The following FSD1L variants were observed in gnomAD, a reference collection of about 807,000 sequenced individuals.
FSD1L encodes fibronectin type III and SPRY domain containing 1 like.
Under a neutral mutation model 71.6 loss-of-function variants are expected in FSD1L, and 45 were observed. The ratio of observed to expected loss-of-function variants is 0.63; its 90% CI spans 0.49 to 0.81. The LOEUF is 0.81. Ranked by LOEUF, FSD1L falls within the 30% of genes least tolerant of loss-of-function variation. The pLI, the probability that FSD1L is intolerant of heterozygous loss-of-function variation, is 0.00. For missense variants in FSD1L, 561 were observed against 618.1 expected (o/e 0.91, Z 0.98); for synonymous variants, 197 against 207.2 (o/e 0.95, Z 0.42).
intron 10 of FSD1L, among the ~76,000 whole-genome samples, chr9:105,519,259 AT>A (rs1834952755): frequency 1.3e-5 from 2 of 152,098 alleles, no homozygotes; most frequent in African/African-American, 2.4e-5. Flanking sequence ...TTCTGAAACT[AT>A]TCCAAACAAT....
chr9:105,518,340 G>A (rs1419891927), intron 10 of FSD1L, among the ~76,000 whole-genome samples: 3 of 152,192 alleles, frequency 2.0e-5, no homozygotes, highest in East Asian at 3.9e-4. Context: ...CTCTCCACCC[G>A]AAATCAACAG....
chr9:105,456,341 T>A (rs191711203), intron 1 of FSD1L, among the ~76,000 whole-genome samples: 1,659 of 152,332 alleles, frequency 0.011, 34 homozygotes, highest in African/African-American at 0.038. Context: ...AAAATGAGGA[T>A]AATAATAGTA....
At position 105,478,666 on chromosome 9, in the gene FSD1L, TA is replaced by T. The variant is rs377045516; in HGVS notation, c.442-678del. ...TTCCCTTTCTAAACTTGTGCTTGCA[TA>T]AAAAAAAAAGACAAAAGAGATACCT... On this transcript the variant is annotated intron_variant, in intron 5 of 13. Transcript: ENST00000481272. 5.8e-3 allele frequency among the ~76,000 whole-genome samples: 848 copies of T among 147,186 alleles called. 2 individuals carry two copies. The highest frequency in any genetic ancestry group is 9.1e-3 in the Non-Finnish European group (602 of 66,454).
intron 10 of FSD1L, chr9:105,521,063 G>A (rs555243654): frequency 6.2e-6 from 10 of 1,613,242 alleles, no homozygotes; most frequent in South Asian, 5.5e-5. Flanking sequence ...TTGACATCCC[G>A]CAGATGAGAC....
chr9:105,516,989 A>G (rs1423038366), intron 10 of FSD1L, among the ~76,000 whole-genome samples: 3 of 152,232 alleles, frequency 2.0e-5, no homozygotes, highest in Non-Finnish European at 2.9e-5. Context: ...AAATGACCCG[A>G]TGGAGCTGAA....
At chr9:105,459,387 T>C (rs78617447) in intron 1 of FSD1L, among the ~76,000 whole-genome samples, 4,918 of 152,308 alleles carry the variant, frequency 0.032, 285 homozygotes, top group African/African-American at 0.11. Context: ...CCAGTCCCCA[T>C]TCTTGTGAGG....
chr9:105,500,250 G>A (rs1589025098), intron 7 of FSD1L, among the ~76,000 whole-genome samples: 1 of 152,146 alleles, frequency 6.6e-6, no homozygotes, highest in East Asian at 1.9e-4. Context: ...ATGTAAACTG[G>A]CCTTTATTAA....
At chr9:105,483,127 A>G (rs576858103) in intron 6 of FSD1L, among the ~76,000 whole-genome samples, 2 of 152,322 alleles carry the variant, frequency 1.3e-5, no homozygotes, top group Non-Finnish European at 1.5e-5. Context: ...TATACTTGGC[A>G]TATAGTAAGC....
chr9:105,471,520 G>T (rs1831457510), intron 4 of FSD1L, among the ~76,000 whole-genome samples: 1 of 151,928 alleles, frequency 6.6e-6, no homozygotes. Flanking sequence ...CTTCCTACTT[G>T]TCCCATATTC....
intron 13 of FSD1L, among the ~76,000 whole-genome samples, chr9:105,540,549 T>C (rs993022147): frequency 2.0e-5 from 3 of 152,174 alleles, no homozygotes; most frequent in Non-Finnish European, 4.4e-5. Flanking sequence ...AGATATAGAC[T>C]GCATTTACAA....
chr9:105,469,962 T>C (rs989816807), intron 4 of FSD1L, among the ~76,000 whole-genome samples: 4 of 152,192 alleles, frequency 2.6e-5, no homozygotes, highest in African/African-American at 9.7e-5. Context: ...GGGACCTACT[T>C]TATTTTTTTG....
At chr9:105,512,724 G>A (rs1192440633) in intron 9 of FSD1L, 83 bp from the exon 10 acceptor site, 1 of 734,884 alleles carries the variant, frequency 1.4e-6, no homozygotes, top group South Asian at 2.9e-5. Flanking sequence ...GATTGAGTAG[G>A]AAAATAATGT....
rs544656526 is a variant in FSD1L, at chr9:105,497,368, C to T, written c.587-9031C>T. On this transcript the variant is annotated intron_variant, in intron 7 of 13. Coordinates refer to ENST00000481272, the MANE Select transcript of FSD1L (RefSeq NM_001145313.3). Reference sequence around the variant, plus strand: ...TGTCAGTTTTGGTATTAGGGTAATGCTGGCCTCATAGAAAGAGTTAGGAAG... The same window carrying T: ...TGTCAGTTTTGGTATTAGGGTAATGTTGGCCTCATAGAAAGAGTTAGGAAG... Among the ~76,000 whole-genome samples the T allele has an allele frequency of 7.9e-5, 12 of 152,218 alleles. No individual in the cohort carries two copies. The East Asian group carries it at 2.3e-3, about 29-fold the overall frequency.
chr9:105,485,259 G>T (rs1348415035), intron 7 of FSD1L, among the ~76,000 whole-genome samples: 5 of 152,188 alleles, frequency 3.3e-5, no homozygotes, highest in Non-Finnish European at 7.3e-5. Flanking sequence ...GCAGCTTCTG[G>T]TGATAGCCTC....
At position 105,501,460 on chromosome 9, in the gene FSD1L, A is replaced by G. The variant is rs142224489; in HGVS notation, c.587-4939A>G. Among the ~76,000 whole-genome samples, 669 of 152,078 alleles carry G rather than the reference A, an allele frequency of 4.4e-3. 21 individuals carry two copies. The highest frequency in any genetic ancestry group is 0.04 in the Admixed American group (616 of 15,266). ...ATTGTTTGAGACAGGGTATTTCTCTATCACCCAGGCTGGAGTGCAGTGGCA... is the reference window on the plus strand; with the variant it reads ...ATTGTTTGAGACAGGGTATTTCTCTGTCACCCAGGCTGGAGTGCAGTGGCA... On this transcript the variant is annotated intron_variant, in intron 7 of 13. Transcript: ENST00000481272.
At chr9:105,452,661 G>T (rs4992161) in intron 1 of FSD1L, among the ~76,000 whole-genome samples, 2,424 of 94,530 alleles carry the variant, frequency 0.026, 20 homozygotes, top group Non-Finnish European at 0.037. Context: ...CTGCCTGCCT[G>T]CCTGCCTGCC....
At position 105,492,633 on chromosome 9, in the gene FSD1L, A is replaced by G. The variant is rs1451131367; in HGVS notation, c.586+8131A>G. On this transcript the variant is annotated intron_variant, in intron 7 of 13. Coordinates refer to ENST00000481272, the MANE Select transcript of FSD1L (RefSeq NM_001145313.3). Reference sequence around the variant, plus strand: ...ATCTTTTCTGCTTTCTCTTGTGGGCATTTAGTGTTATAAATTTCCCTCTAC... The same window carrying G: ...ATCTTTTCTGCTTTCTCTTGTGGGCGTTTAGTGTTATAAATTTCCCTCTAC... Among the ~76,000 whole-genome samples, 6 of 152,118 alleles carry G rather than the reference A, an allele frequency of 3.9e-5. No homozygotes were observed. The South Asian group carries it at 1.2e-3, about 31-fold the overall frequency.
chr9:105,527,705 CA>C (rs35520921), intron 10 of FSD1L, among the ~76,000 whole-genome samples: 247 of 136,530 alleles, frequency 1.8e-3, no homozygotes, highest in African/African-American at 2.7e-3. Context: ...ATATTCTTAT[CA>C]AAAAAAAAAA....
chr9:105,540,590 G>A (rs1194310346), intron 13 of FSD1L, among the ~76,000 whole-genome samples: 3 of 152,068 alleles, frequency 2.0e-5, no homozygotes, highest in African/African-American at 7.2e-5. Context: ...GATGTGTTTG[G>A]TATGAAGTAA....
Sources: gnomAD v4.1 joint callset for allele counts (sites outside exome capture counted in the v4.1 genomes callset) on GRCh38, gnomAD v4.1.1 for gene constraint, MANE v1.5 for transcripts, NCBI Gene and HGNC (gene_info 2026-07-23, HGNC 2026-07-21) for gene names.